Variants in UNC5D observed in about 807,000 individuals in gnomAD.
UNC5D encodes netrin receptor UNC5D.
Under a neutral mutation model 105.4 loss-of-function variants are expected in UNC5D, and 39 were observed. The observed-to-expected ratio is 0.37, with a 90% confidence interval of 0.29 to 0.48. UNC5D has a LOEUF of 0.48. Among genes scored for constraint, UNC5D ranks in the 20% least tolerant of loss-of-function variants. UNC5D has a pLI of 0.98. For missense variants in UNC5D, 991 were observed against 1,202.4 expected (o/e 0.82, Z 2.60); for synonymous variants, 452 against 450.4 (o/e 1.00, Z -0.04).
chr8:35,404,905 T>A (rs772649006), intron 1 of UNC5D, among the ~76,000 whole-genome samples: 8 of 152,156 alleles, frequency 5.3e-5, no homozygotes, highest in Non-Finnish European at 1.2e-4. Context: ...GTGATTCTTA[T>A]GTACATTCAA....
chr8:35,776,610 G>A (rs1802256994), intron 16 of UNC5D, among the ~76,000 whole-genome samples: 1 of 152,178 alleles, frequency 6.6e-6, no homozygotes, highest in African/African-American at 2.4e-5. Context: ...GAGTGCTCAT[G>A]TGGCTGATGG....
chr8:35,381,629 T>C (rs1389916026), intron 1 of UNC5D, among the ~76,000 whole-genome samples: 1 of 152,036 alleles, frequency 6.6e-6, no homozygotes, highest in African/African-American at 2.4e-5. Context: ...TTAGTGTCAT[T>C]AGAATGCTTA....
chr8:35,748,300 G>A (rs1793875490), intron 11 of UNC5D, among the ~76,000 whole-genome samples: 1 of 152,114 alleles, frequency 6.6e-6, no homozygotes, highest in Admixed American at 6.5e-5. Flanking sequence ...CATTTTGTTG[G>A]TGGGTTTGTC....
chr8:35,581,800 T>G (rs1746958760), intron 3 of UNC5D, among the ~76,000 whole-genome samples: 1 of 152,130 alleles, frequency 6.6e-6, no homozygotes, highest in Non-Finnish European at 1.5e-5. Flanking sequence ...GCTGTAAATT[T>G]GTGTTTATTT....
intron 7 of UNC5D, among the ~76,000 whole-genome samples, chr8:35,692,596 A>G (rs1239138362): frequency 6.6e-6 from 1 of 152,242 alleles, no homozygotes; most frequent in East Asian, 1.9e-4. Context: ...GGTCAGAGTC[A>G]GAAATCATAC....
intron 11 of UNC5D, among the ~76,000 whole-genome samples, chr8:35,732,337 G>C (rs1047800516): frequency 1.3e-5 from 2 of 152,182 alleles, no homozygotes; most frequent in African/African-American, 4.8e-5. Flanking sequence ...GGGGATTTGT[G>C]TGCAGGTTGT....
At chr8:35,507,049 C>CTTTTTT (rs71215631) in intron 1 of UNC5D, among the ~76,000 whole-genome samples, 2,470 of 76,114 alleles carry the variant, frequency 0.032, 18 homozygotes, top group Non-Finnish European at 0.039. Context: ...CAGGGCTTTT[C>CTTTTTT]TTTTTTTTTT....
chr8:35,557,504 T>C (rs945601126), intron 2 of UNC5D, among the ~76,000 whole-genome samples: 2 of 152,326 alleles, frequency 1.3e-5, no homozygotes, highest in Admixed American at 6.5e-5. Context: ...AAATGAAACA[T>C]TGTTCTGCCT....
chr8:35,328,513 A>G (rs981744381), intron 1 of UNC5D, among the ~76,000 whole-genome samples: 2 of 152,200 alleles, frequency 1.3e-5, no homozygotes, highest in African/African-American at 4.8e-5. Context: ...ATCACGGCAT[A>G]GGCTAAAACT....
intron 8 of UNC5D, chr8:35,721,619 T>C: frequency 1.5e-6 from 1 of 669,152 alleles, no homozygotes; most frequent in East Asian, 2.7e-5. Context: ...AATAAAATTC[T>C]CTCATAATGA....
intron 1 of UNC5D, among the ~76,000 whole-genome samples, chr8:35,283,990 CA>C (rs1465225874): frequency 2.0e-5 from 3 of 152,090 alleles, no homozygotes; most frequent in East Asian, 3.8e-4. Context: ...AAAGTTTTAA[CA>C]AGAGTAATTT....
intron 1 of UNC5D, among the ~76,000 whole-genome samples, chr8:35,269,479 G>A (rs538819670): frequency 5.1e-4 from 77 of 152,192 alleles, no homozygotes; most frequent in African/African-American, 1.8e-3. Context: ...CAGCTCCCAC[G>A]GTCACCATTT....
At position 35,722,448 on chromosome 8, in the gene UNC5D, C is replaced by T. The variant is rs1032905207; in HGVS notation, c.1303+53C>T. ...CGTCCTCAGTGCCATAGACTACGCTCACACTAGACCCCAGCCTTCTCCTGG... is the reference window on the plus strand; with the variant it reads ...CGTCCTCAGTGCCATAGACTACGCTTACACTAGACCCCAGCCTTCTCCTGG... On this transcript the variant is annotated intron_variant, in intron 9 of 16. Coordinates refer to ENST00000404895, the MANE Select transcript of UNC5D (RefSeq NM_080872.4). 16 of 1,559,502 alleles carry T rather than the reference C, an allele frequency of 1.0e-5. No individual in the cohort carries two copies. In the African/African-American group the frequency reaches 1.8e-4, roughly 17 times the overall value.
chr8:35,327,110 C>A (rs928282798), intron 1 of UNC5D, among the ~76,000 whole-genome samples: 2 of 152,026 alleles, frequency 1.3e-5, no homozygotes, highest in Non-Finnish European at 1.5e-5. Context: ...TGCCTTAGTG[C>A]CTTGGCGGAA....
At chr8:35,305,701 C>T (rs1808346214) in intron 1 of UNC5D, among the ~76,000 whole-genome samples, 1 of 148,348 alleles carries the variant, frequency 6.7e-6, no homozygotes, top group African/African-American at 2.5e-5. Context: ...CTTCCTCCCT[C>T]CCTGCCTGAC....
At chr8:35,525,007 T>G (rs1813763970) in intron 1 of UNC5D, among the ~76,000 whole-genome samples, 1 of 142,878 alleles carries the variant, frequency 7.0e-6, no homozygotes, top group Admixed American at 7.2e-5. Flanking sequence ...CTCTTGTTCT[T>G]TTTTGTTGGG....
chr8:35,239,806 G>T (rs1026467784), intron 1 of UNC5D, among the ~76,000 whole-genome samples: 1 of 152,056 alleles, frequency 6.6e-6, no homozygotes, highest in Non-Finnish European at 1.5e-5. Context: ...TAGATCAATG[G>T]AAACGTTCCC....
chr8:35,498,700 G>A (rs188272516), intron 1 of UNC5D, among the ~76,000 whole-genome samples: 12 of 152,132 alleles, frequency 7.9e-5, no homozygotes, highest in East Asian at 1.9e-4. Context: ...GCTGAATTTC[G>A]TCATCAGGCA....
intron 1 of UNC5D, among the ~76,000 whole-genome samples, chr8:35,365,661 G>A (rs1802076074): frequency 6.6e-6 from 1 of 150,420 alleles, no homozygotes; most frequent in African/African-American, 2.5e-5. Flanking sequence ...TGCAGGCAGA[G>A]GAGATGTAAG....
Sources: gnomAD v4.1 joint callset for allele counts (sites outside exome capture counted in the v4.1 genomes callset) on GRCh38, gnomAD v4.1.1 for gene constraint, MANE v1.5 for transcripts, NCBI Gene and HGNC (gene_info 2026-07-23, HGNC 2026-07-21) for gene names.